The following GTF2F1 variants were observed in gnomAD, a reference collection of about 807,000 sequenced individuals.
GTF2F1 encodes the protein general transcription factor IIF 74 kDa subunit.
GTF2F1 carries 39 observed loss-of-function variants against 63.5 expected under a neutral mutation model. That is an observed-to-expected ratio of 0.61 (90% CI 0.48 to 0.80). The LOEUF (loss-of-function observed/expected upper bound fraction) is 0.80, where lower values mean the gene tolerates loss of function less well. Among genes scored for constraint, GTF2F1 ranks in the 30% least tolerant of loss-of-function variants. The pLI, the probability that GTF2F1 is intolerant of heterozygous loss-of-function variation, is 0.00. For synonymous variants in GTF2F1, 287 were observed against 285.3 expected, an observed-to-expected ratio of 1.01 and a Z score of -0.06; for missense variants, 657 against 718.3, an observed-to-expected ratio of 0.91 and a Z score of 0.97.
chr19:6,381,977 C>T lies in GTF2F1; in HGVS notation c.683-127G>A. On this transcript the variant is annotated intron_variant, in intron 6 of 12. Transcript: ENST00000394456. The surrounding 1 kb of genome is among the most constrained non-coding windows in gnomAD (Gnocchi z 4.1). ...GCCTCACTGACTGGGGAGACTACAC[C>T]TCCAGGGCCAGCCCAGGAGCTCAGC... 1.4e-6 allele frequency: 1 copy of T among 740,302 alleles called. No individual in the cohort carries two copies. Among genetic ancestry groups the T allele is most frequent in the Non-Finnish European group, 2.2e-6 (1 of 456,830 alleles). 45.9% of individuals were successfully genotyped at this position (740,302 alleles called of 1,614,324 possible).
At position 6,392,919 on chromosome 19, in the gene GTF2F1, G is replaced by A. The variant is rs199565341; in HGVS notation, c.13-16C>T. On this transcript the variant is annotated splice_polypyrimidine_tract_variant and intron_variant, in intron 1 of 12. Coordinates refer to ENST00000394456, the MANE Select transcript of GTF2F1 (RefSeq NM_002096.3). ...TGCTAGGGCCCTGCGGAAAGAGGAA[G>A]CGGTGAGTGAGGGGTCGCCGAGGTC... 2,639 of 1,614,176 alleles carry A rather than the reference G, an allele frequency of 1.6e-3. 13 individuals are homozygous for A. Among genetic ancestry groups the A allele is most frequent in the South Asian group, 3.0e-3 (269 of 91,084 alleles).
At chr19:6,382,054 C>T (rs550070869) in intron 6 of GTF2F1, among the ~76,000 whole-genome samples, 5 of 152,210 alleles carry the variant, frequency 3.3e-5, no homozygotes, top group Admixed American at 1.3e-4. Flanking sequence ...CCTTCTCTAG[C>T]GCTCACAGAC....
In GTF2F1 at chr19:6,382,664, G is replaced by A. The variant is rs191773448; in HGVS notation, c.682+647C>T. 1.5e-3 allele frequency among the ~76,000 whole-genome samples: 229 copies of A among 151,680 alleles called. 6 individuals carry two copies. In the East Asian group the frequency reaches 0.036, roughly 24 times the overall value. ...AAAAAAAAAATTAGCCGGGTGTGGT[G>A]GTGCACGCCTGTAGTCCCAGCTACT... On this transcript the variant is annotated intron_variant, in intron 6 of 12. Coordinates refer to ENST00000394456, the MANE Select transcript of GTF2F1 (RefSeq NM_002096.3).
In GTF2F1 at chr19:6,380,049, G is replaced by C; in HGVS notation, c.*232C>G. On this transcript the variant is annotated 3_prime_UTR_variant, in exon 13 of 13. Coordinates refer to ENST00000394456, the MANE Select transcript of GTF2F1 (RefSeq NM_002096.3). This position sits in a 1 kb window ranked among gnomAD's most constrained non-coding sequence, Gnocchi z 5.3. ...GGAGGACAATAAGAAGGCCTAACAG[G>C]CATCTGAAGATTCCAGAAGGAAGGG... is the stretch of plus-strand genomic sequence containing the variant. The C allele has an allele frequency of 1.7e-6, 1 of 590,034 alleles. No individual in the cohort carries two copies. The highest frequency in any genetic ancestry group is 3.0e-6 in the Non-Finnish European group (1 of 330,900). The allele number at this position is 590,034 out of a possible 1,614,324, so 36.5% of individuals were successfully genotyped here.
rs374972528 is a variant in GTF2F1, at chr19:6,381,644, C to A, written c.837-29G>T. 6.2e-7 allele frequency: 1 copy of A among 1,613,954 alleles called. No individual in the cohort carries two copies. The highest frequency in any genetic ancestry group is 1.6e-4 in the Middle Eastern group (1 of 6,062). On this transcript the variant is annotated intron_variant, in intron 7 of 12. Coordinates refer to ENST00000394456, the MANE Select transcript of GTF2F1 (RefSeq NM_002096.3). This position sits in a 1 kb window ranked among gnomAD's most constrained non-coding sequence, Gnocchi z 4.1. Reference sequence around the variant, plus strand: ...TAAGACGGGGATGGCAAAGGATGAGCGCGCGCTCGCGAGGCTGCATGGGGT... The same window carrying A: ...TAAGACGGGGATGGCAAAGGATGAGAGCGCGCTCGCGAGGCTGCATGGGGT...
In GTF2F1 at chr19:6,383,312, C is replaced by T. The variant is rs1215987535; in HGVS notation, c.681G>A (p.Glu227=). 6.8e-6 allele frequency: 11 copies of T among 1,613,668 alleles called. No individual in the cohort carries two copies. The highest frequency in any genetic ancestry group is 9.3e-6 in the Non-Finnish European group (11 of 1,179,984). ...SSDASDASGE[E]GGRVPKAKKK... Reference sequence around the variant, plus strand: ...TAATGCCCAGGCGCCCGTACTCACCCTCCTCACCACTGGCATCACTGGCAT... The same window carrying T: ...TAATGCCCAGGCGCCCGTACTCACCTTCCTCACCACTGGCATCACTGGCAT... Residue 227 remains glutamate, a splice_region_variant and synonymous_variant, in exon 6 of 13, where the codon GAG becomes GAA. Coordinates refer to ENST00000394456, the MANE Select transcript of GTF2F1 (RefSeq NM_002096.3). This position sits in a 1 kb window ranked among gnomAD's most constrained non-coding sequence, Gnocchi z 4.5.
chr19:6,383,888 C>A lies in GTF2F1; in HGVS notation c.498-393G>T, dbSNP rs568788913. On this transcript the variant is annotated intron_variant, in intron 5 of 12. Coordinates refer to ENST00000394456, the MANE Select transcript of GTF2F1 (RefSeq NM_002096.3). The surrounding 1 kb of genome is among the most constrained non-coding windows in gnomAD (Gnocchi z 4.5). ...CTCGGCTCACTGCAACCTCCGCCTC[C>A]TGGCTTCAAGCAATTCTCCTGACTC... 4.6e-5 allele frequency among the ~76,000 whole-genome samples: 7 copies of A among 152,078 alleles called. No individual in the cohort carries two copies. Among genetic ancestry groups the A allele is most frequent in the Non-Finnish European group, 1.0e-4 (7 of 68,006 alleles).
At position 6,380,636 on chromosome 19, in the gene GTF2F1, G is replaced by A; in HGVS notation, c.1286C>T (p.Pro429Leu). 1 of 1,613,806 alleles carries A rather than the reference G, an allele frequency of 6.2e-7. No individual in the cohort carries two copies. The highest frequency in any genetic ancestry group is 1.1e-5 in the South Asian group (1 of 91,080). The change falls in exon 12 of 13, where the codon CCC (proline) becomes CTC (leucine). Residue 429 changes from proline to leucine, a missense_variant. By Grantham distance (98) the Pro-to-Leu change is moderately conservative (BLOSUM62 -3). Coordinates refer to ENST00000394456, the MANE Select transcript of GTF2F1 (RefSeq NM_002096.3). This position sits in a 1 kb window ranked among gnomAD's most constrained non-coding sequence, Gnocchi z 5.3. ...TGTCGACTTCCCAGACAGGCTCTGG[G>A]GTCCCGTGTCCAGCCGCAACCGCTT... Reference protein sequence around the residue: ...AAKRLRLDTGPQSLSGKSTPQ... With the variant: ...AAKRLRLDTGLQSLSGKSTPQ...
chr19:6,389,266 C>CATAAATAA (rs61290779), intron 4 of GTF2F1, among the ~76,000 whole-genome samples, 178 bp downstream of exon 4: 3,947 of 151,080 alleles, frequency 0.026, 158 homozygotes, highest in African/African-American at 0.091. Flanking sequence ...AATAAGATAA[C>CATAAATAA]ATAAATAAAT....
rs958203117 is a variant in GTF2F1, at chr19:6,387,698, C to A, written c.327-139G>T. ...GCCCATGAGGCCTGGGCAGGCCCTT[C>A]AACCACCTGGGCCTCGTCAATTTCC... On this transcript the variant is annotated intron_variant, in intron 4 of 12. Transcript: ENST00000394456. 4 of 612,834 alleles carry A rather than the reference C, an allele frequency of 6.5e-6. No homozygotes were observed. In the East Asian group the frequency reaches 1.1e-4, roughly 17 times the overall value. The allele number at this position is 612,834 out of a possible 1,614,324, so 38.0% of individuals were successfully genotyped here. A position where few individuals can be genotyped will look rare whatever the true frequency, so the allele number is the denominator to read the frequency against.
At position 6,387,649 on chromosome 19, in the gene GTF2F1, G is replaced by C. The variant is rs28580396; in HGVS notation, c.327-90C>G. ...GGGGCCTGCCTCCTTTATGGCACTT[G>C]CCATAGGAGGAAGACCAAGAAATGC... On this transcript the variant is annotated intron_variant, in intron 4 of 12. Coordinates refer to ENST00000394456, the MANE Select transcript of GTF2F1 (RefSeq NM_002096.3). 1,088 of 1,053,992 alleles carry C rather than the reference G, an allele frequency of 1.0e-3. 28 individuals carry two copies. In the African/African-American group the frequency reaches 0.015, roughly 14 times the overall value. 65.3% of individuals were successfully genotyped at this position (1,053,992 alleles called of 1,614,324 possible).
In GTF2F1 at chr19:6,380,875, TG is replaced by T. The variant is rs779431420; in HGVS notation, c.1231+28del. On this transcript the variant is annotated intron_variant, in intron 11 of 12. Coordinates refer to ENST00000394456, the MANE Select transcript of GTF2F1 (RefSeq NM_002096.3). The surrounding 1 kb of genome is among the most constrained non-coding windows in gnomAD (Gnocchi z 5.3). ...GGTCAGGAGGCTGTGGCTGTGGCTG[TG>T]GGGAGCGGGGAGGCCACGGGCACTC... is the stretch of plus-strand genomic sequence containing the variant. 16 of 1,530,594 alleles carry T rather than the reference TG, an allele frequency of 1.0e-5. No homozygotes were observed. The highest frequency in any genetic ancestry group is 1.4e-5 in the Non-Finnish European group (16 of 1,142,600). The allele number at this position is 1,530,594 out of a possible 1,614,324, so 94.8% of individuals were successfully genotyped here.
At chr19:6,388,875 G>C (rs1306952650) in intron 4 of GTF2F1, among the ~76,000 whole-genome samples, 1 of 152,176 alleles carries the variant, frequency 6.6e-6, no homozygotes, top group Non-Finnish European at 1.5e-5. Context: ...GAGCCCAGGA[G>C]TTGGAGCCTG....
chr19:6,391,001 C>T (rs1241472128), intron 3 of GTF2F1, among the ~76,000 whole-genome samples: 1 of 152,128 alleles, frequency 6.6e-6, no homozygotes, highest in Admixed American at 6.5e-5. Context: ...TCCGAATTAC[C>T]CTTAAGCTCT....
Position 6,381,547 on chromosome 19 carries a change from C to G in GTF2F1, c.898+7G>C. On this transcript the variant is annotated splice_region_variant and intron_variant, in intron 8 of 12. Coordinates refer to ENST00000394456, the MANE Select transcript of GTF2F1 (RefSeq NM_002096.3). The surrounding 1 kb of genome is among the most constrained non-coding windows in gnomAD (Gnocchi z 4.1). Reference sequence around the variant, plus strand: ...CCATCTCCCCGGCCCGCCCAGCCATCGCCTACCCTTGGGCCCCTCCTCCTG... The same window carrying G: ...CCATCTCCCCGGCCCGCCCAGCCATGGCCTACCCTTGGGCCCCTCCTCCTG... 1 of 1,612,668 alleles carries G rather than the reference C, an allele frequency of 6.2e-7. No homozygotes were observed. Among genetic ancestry groups the G allele is most frequent in the Admixed American group, 1.7e-5 (1 of 60,022 alleles).
At chr19:6,385,324 C>T (rs546547774) in intron 5 of GTF2F1, among the ~76,000 whole-genome samples, 1 of 133,808 alleles carries the variant, frequency 7.5e-6, no homozygotes, top group Non-Finnish European at 1.5e-5. Flanking sequence ...CCCAGGAGGT[C>T]GAGGTTGCAA....
At chr19:6,385,037 G>A (rs1041132155) in intron 5 of GTF2F1, among the ~76,000 whole-genome samples, 3 of 151,938 alleles carry the variant, frequency 2.0e-5, no homozygotes, top group Non-Finnish European at 4.4e-5. Context: ...TTGACCTTGC[G>A]ATCCGCTCTC....
chr19:6,383,475 T>C lies in GTF2F1; in HGVS notation c.518A>G (p.His173Arg), dbSNP rs760340730. ...CCGCCGCTGCTGCATGATGCTGAAG[T>C]GGTTCAGCACCTTGTTCCTCCTGCG... ...EWERRNKVLN[H>R]FSIMQQRRLK... Residue 173 changes from histidine (H) to arginine (R), a missense_variant, in exon 6 of 13, where the codon CAC (histidine) becomes CGC (arginine). Physicochemically the swap from His to Arg is conservative, Grantham distance 29. Coordinates refer to ENST00000394456, the MANE Select transcript of GTF2F1 (RefSeq NM_002096.3). This position sits in a 1 kb window ranked among gnomAD's most constrained non-coding sequence, Gnocchi z 4.5. The C allele has an allele frequency of 6.2e-7, 1 of 1,613,940 alleles. No homozygotes were observed. The highest frequency in any genetic ancestry group is 8.5e-7 in the Non-Finnish European group (1 of 1,179,962).
Position 6,380,457 on chromosome 19 carries a change from G to A in GTF2F1, c.1378C>T (p.Arg460Cys), listed in dbSNP as rs376701000. The A allele has an allele frequency of 3.0e-5, 48 of 1,613,934 alleles. No homozygotes were observed. Among genetic ancestry groups the A allele is most frequent in the East Asian group, 1.6e-4 (7 of 44,890 alleles). ...GDVQVTEDAV[R>C]RYLTRKPMTT... is the part of the protein sequence containing the mutation. ...ATGGGCTTCCGTGTCAGGTAGCGGC[G>A]CACGGCATCCTCAGTCACCTGCACG... Residue 460 changes from arginine to cysteine, a missense_variant, in exon 13 of 13, where the codon CGC becomes TGC. Arg to Cys is a radical substitution (Grantham distance 180, BLOSUM62 -3). This residue lies in a region of GTF2F1 where 55 missense variants were observed against 92.6 expected (regional missense o/e 0.59). Transcript: ENST00000394456. This position sits in a 1 kb window ranked among gnomAD's most constrained non-coding sequence, Gnocchi z 5.3.
Sources: allele counts gnomAD v4.1 joint callset (sites outside exome capture counted in the v4.1 genomes callset), GRCh38; gene constraint gnomAD v4.1.1; regional missense constraint gnomAD v4.1.1; non-coding constraint Gnocchi (gnomAD v3.1); transcripts MANE v1.5; gene names NCBI Gene and HGNC (gene_info 2026-07-23, HGNC 2026-07-21).